BCAR3: variants seen among roughly 807,000 people sequenced by gnomAD.
BCAR3 encodes BCAR3 adaptor protein, NSP family member, also known as breast cancer anti-estrogen resistance protein 3.
BCAR3 carries 37 observed loss-of-function variants against 80.1 expected under a neutral mutation model. The observed-to-expected ratio is 0.46, with a 90% CI of 0.36 to 0.61. BCAR3 has a LOEUF of 0.61. Among genes scored for constraint, BCAR3 ranks in the 20% least tolerant of loss-of-function variants. The pLI, the probability that BCAR3 is intolerant of heterozygous loss-of-function variation, is 0.00. For synonymous variants in BCAR3, 389 were observed against 418.9 expected, an observed-to-expected ratio of 0.93 and a Z score of 0.87; for missense variants, 978 against 1,068.2, an observed-to-expected ratio of 0.92 and a Z score of 1.18.
upstream of BCAR3, among the ~76,000 whole-genome samples, chr1:93,682,991 T>TCC (rs113264233): frequency 0.015 from 2,276 of 152,234 alleles, 55 homozygotes; most frequent in African/African-American, 0.053. Context: ...AAAAAACTCA[T>TCC]CATTGGACAA....
chr1:93,799,816 A>G lies in BCAR3; in HGVS notation c.-63+45751T>C, dbSNP rs371393028. On this transcript the variant is annotated intron_variant, in intron 2 of 13. Transcript: ENST00000370244. ...AACCTTGAGGCATAACAGTCCAGGT[A>G]TATTGACAGCTGTTCCAGGTAAAGG... Among the ~76,000 whole-genome samples the G allele has an allele frequency of 5.3e-4, 80 of 152,378 alleles. 1 individual carries two copies. In the South Asian group the frequency reaches 0.015, roughly 28 times the overall value.
chr1:93,569,476 C>T (rs570636879), intron 9 of BCAR3, among the ~76,000 whole-genome samples: 2 of 152,366 alleles, frequency 1.3e-5, no homozygotes, highest in East Asian at 1.9e-4. Context: ...GCTCCCTACA[C>T]CCACTCCCTG....
chr1:93,741,427 C>A (rs1651172664), intron 2 of BCAR3, among the ~76,000 whole-genome samples: 2 of 152,122 alleles, frequency 1.3e-5, no homozygotes, highest in Admixed American at 1.3e-4. Flanking sequence ...CCCGGGTTGT[C>A]TTTTCAGTAA....
chr1:93,588,942 C>T lies in BCAR3; in HGVS notation c.929+35G>A, dbSNP rs751654013. On this transcript the variant is annotated intron_variant, in intron 5 of 11. Coordinates refer to ENST00000260502, the MANE Select transcript of BCAR3 (RefSeq NM_003567.4). The stretch of plus-strand genomic sequence containing the variant: ...CTAACTAACCTTGGGCACCCCGGCG[C>T]CCCTCATAGTCCTGCAGAGGAGGCC... 4.6e-6 allele frequency: 7 copies of T among 1,510,646 alleles called. No individual in the cohort carries two copies. In the East Asian group the frequency reaches 1.6e-4, roughly 34 times the overall value. The allele number at this position is 1,510,646 out of a possible 1,614,324, so 93.6% of individuals were successfully genotyped here.
chr1:93,767,324 A>G (rs1189743279), intron 2 of BCAR3, among the ~76,000 whole-genome samples: 3 of 152,132 alleles, frequency 2.0e-5, no homozygotes, highest in African/African-American at 7.2e-5. Flanking sequence ...GGAGTTCCAG[A>G]CCAGTCTGGG....
intron 2 of BCAR3, among the ~76,000 whole-genome samples, chr1:93,710,642 T>G (rs1330327448): frequency 1.3e-5 from 2 of 152,180 alleles, no homozygotes; most frequent in African/African-American, 4.8e-5. Context: ...TGGTCTTCTT[T>G]CGGTTTCTTC....
chr1:93,759,892 T>C (rs1169964505), intron 2 of BCAR3, among the ~76,000 whole-genome samples: 2 of 152,096 alleles, frequency 1.3e-5, no homozygotes, highest in African/African-American at 4.8e-5. Context: ...GCCTTGCCCC[T>C]CGCTGGTCTC....
intron 3 of BCAR3, among the ~76,000 whole-genome samples, chr1:93,621,662 G>A (rs1013371145): frequency 4.6e-5 from 7 of 152,132 alleles, no homozygotes; most frequent in African/African-American, 1.2e-4. Context: ...TAACCAGCAC[G>A]GGAACCCCTT....
At chr1:93,604,794 G>T (rs1674727928) in intron 3 of BCAR3, among the ~76,000 whole-genome samples, 1 of 152,182 alleles carries the variant, frequency 6.6e-6, no homozygotes, top group South Asian at 2.1e-4. Context: ...TTCTAAGCTT[G>T]ACAGAATGTA....
chr1:93,775,694 G>A (rs915222302), intron 2 of BCAR3, among the ~76,000 whole-genome samples: 1 of 152,214 alleles, frequency 6.6e-6, no homozygotes, highest in Admixed American at 6.5e-5. Flanking sequence ...ATAAAAAAGA[G>A]GAGGATGTGT....
intron 2 of BCAR3, among the ~76,000 whole-genome samples, chr1:93,833,202 G>C (rs894856926): frequency 6.6e-6 from 1 of 152,188 alleles, no homozygotes; most frequent in Non-Finnish European, 1.5e-5. Context: ...TGCAAAACCA[G>C]CAAGTTTTTA....
chr1:93,733,481 C>T (rs1343670355), intron 2 of BCAR3, among the ~76,000 whole-genome samples: 1 of 152,188 alleles, frequency 6.6e-6, no homozygotes, highest in African/African-American at 2.4e-5. Context: ...ACACACAGGG[C>T]TCTAGCGGGA....
At chr1:93,565,870 A>G (rs1001638879) in intron 11 of BCAR3, among the ~76,000 whole-genome samples, 6 of 152,220 alleles carry the variant, frequency 3.9e-5, no homozygotes, top group Non-Finnish European at 7.3e-5. Context: ...AACTTTGTGA[A>G]TCAAACTGTG....
chr1:93,775,664 A>G (rs1426824515), intron 2 of BCAR3, among the ~76,000 whole-genome samples: 2 of 152,236 alleles, frequency 1.3e-5, no homozygotes, highest in Non-Finnish European at 2.9e-5. Flanking sequence ...TGAAATAAAT[A>G]CGATTTTCCA....
intron 2 of BCAR3, among the ~76,000 whole-genome samples, chr1:93,668,432 C>CA (rs1256704373): frequency 6.6e-6 from 1 of 152,192 alleles, no homozygotes; most frequent in Non-Finnish European, 1.5e-5. Context: ...ACCTCTGACC[C>CA]AGCTGCTCCT....
At chr1:93,585,419 T>G (rs1201739152) in intron 5 of BCAR3, among the ~76,000 whole-genome samples, 2 of 152,038 alleles carry the variant, frequency 1.3e-5, no homozygotes, top group Admixed American at 6.5e-5. Context: ...AAAGTGGCTC[T>G]ATTAGGCCTG....
intron 7 of BCAR3, among the ~76,000 whole-genome samples, chr1:93,578,991 C>T (rs573222524): frequency 3.3e-5 from 5 of 152,166 alleles, no homozygotes; most frequent in Non-Finnish European, 2.9e-5. Flanking sequence ...CAGGCTCAGT[C>T]GGGCCAAGTG....
chr1:93,692,579 G>C (rs112809734), intron 3 of BCAR3, among the ~76,000 whole-genome samples: 5,559 of 152,254 alleles, frequency 0.037, 295 homozygotes, highest in African/African-American at 0.12. Flanking sequence ...ACCTAGAGAG[G>C]TGGGGGTTAT....
intron 2 of BCAR3, among the ~76,000 whole-genome samples, chr1:93,827,150 A>G (rs1654400895): frequency 6.6e-6 from 1 of 152,106 alleles, no homozygotes; most frequent in African/African-American, 2.4e-5. Context: ...TAACTAGAGA[A>G]ACAGAATTGA....
Sources: gnomAD v4.1 joint callset for allele counts (sites outside exome capture counted in the v4.1 genomes callset) on GRCh38, gnomAD v4.1.1 for gene constraint, MANE v1.5 for transcripts, NCBI Gene and HGNC (gene_info 2026-07-23, HGNC 2026-07-21) for gene names.